IGF2R: variants seen among roughly 807,000 people sequenced by gnomAD.
IGF2R encodes cation-independent mannose-6-phosphate receptor.
A neutral mutation model predicts 270.6 loss-of-function variants in IGF2R; 91 were observed. That is an observed-to-expected ratio of 0.34 (90% CI 0.28 to 0.40). The LOEUF (loss-of-function observed/expected upper bound fraction) is 0.40, where lower values mean the gene tolerates loss of function less well. IGF2R is among the 10% of genes least tolerant of loss of function. IGF2R has a pLI of 1.00. For synonymous variants in IGF2R, 1,316 were observed against 1,258.9 expected, an observed-to-expected ratio of 1.05 and a Z score of -0.96; for missense variants, 2,805 against 3,188.3, an observed-to-expected ratio of 0.88 and a Z score of 2.90.
intron 10 of IGF2R, among the ~76,000 whole-genome samples, chr6:160,038,416 G>A (rs1206064310): frequency 6.6e-6 from 1 of 152,204 alleles, no homozygotes; most frequent in Admixed American, 6.5e-5. Context: ...TACGTGTAAG[G>A]TACGTAGCAA....
In IGF2R at chr6:160,102,772, C is replaced by G; in HGVS notation, c.6995+101C>G. On this transcript the variant is annotated intron_variant, in intron 46 of 47. Coordinates refer to ENST00000356956, the MANE Select transcript of IGF2R (RefSeq NM_000876.4). This position sits in a 1 kb window ranked among gnomAD's most constrained non-coding sequence, Gnocchi z 4.5. ...GGTTTTATTTATTTGTTTTTAAGCC[C>G]TACAGCAGCGAAGGCTCGAGGTTCT... 2.2e-6 allele frequency: 3 copies of G among 1,337,574 alleles called. No individual in the cohort carries two copies. The highest frequency in any genetic ancestry group is 3.0e-6 in the Non-Finnish European group (3 of 989,444). 82.9% of individuals were successfully genotyped at this position (1,337,574 alleles called of 1,614,324 possible). A position where few individuals can be genotyped will look rare whatever the true frequency, so the allele number is the denominator to read the frequency against.
Position 160,104,665 on chromosome 6 carries a change from C to A in IGF2R, c.7066-9C>A. On this transcript the variant is annotated splice_polypyrimidine_tract_variant and intron_variant, in intron 47 of 47. Transcript: ENST00000356956. The stretch of plus-strand genomic sequence containing the variant: ...GGCTCACGTGGTCTCTGCTGTTGAT[C>A]CCTGGCAGGTGAATAAGGAAGAAGA... 6.2e-7 allele frequency: 1 copy of A among 1,606,676 alleles called. No individual in the cohort carries two copies. The highest frequency in any genetic ancestry group is 8.5e-7 in the Non-Finnish European group (1 of 1,176,066).
intron 2 of IGF2R, chr6:160,006,715 C>T (rs1784245652): frequency 6.6e-6 from 1 of 152,172 alleles, no homozygotes; most frequent in Admixed American, 6.5e-5. Context: ...GCTATCATCC[C>T]GAGCTCATGG....
At chr6:160,056,626 T>A in intron 20 of IGF2R, 101 bp downstream of exon 20, 1 of 791,452 alleles carries the variant, frequency 1.3e-6, no homozygotes, top group East Asian at 2.5e-5. Flanking sequence ...CCCTTCTTTC[T>A]GAATCAGTTA....
In IGF2R at chr6:160,048,382, A is replaced by C. The variant is rs1285638277; in HGVS notation, c.2353A>C (p.Lys785Gln). The C allele has an allele frequency of 6.2e-7, 1 of 1,614,110 alleles. No individual in the cohort carries two copies. Among genetic ancestry groups the C allele is most frequent in the African/African-American group, 1.3e-5 (1 of 74,948 alleles). Reference protein sequence around the residue: ...LEQYDLSSLAKSEGGLGGNWY... With the variant: ...LEQYDLSSLAQSEGGLGGNWY... The stretch of plus-strand genomic sequence containing the variant: ...TTTGCTTTGAAATTTTAGTCTGGCA[A>C]AATCTGAAGGTGGCCTTGGAGGAAA... Residue 785 changes from lysine (K) to glutamine (Q), a missense_variant, in exon 18 of 48, where the codon AAA becomes CAA. Around this residue, in one of 2 missense-constraint regions of IGF2R, gnomAD observed 1,851 missense variants for 2,207.2 expected, o/e 0.84. Transcript: ENST00000356956.
chr6:160,049,096 A>C (rs534699496), intron 18 of IGF2R, among the ~76,000 whole-genome samples: 2 of 152,084 alleles, frequency 1.3e-5, no homozygotes, highest in Admixed American at 6.5e-5. Flanking sequence ...TAAAAATAGC[A>C]TGTTGGGAAT....
At chr6:160,039,678 G>A (rs1467696085) in intron 10 of IGF2R, among the ~76,000 whole-genome samples, 1 of 152,188 alleles carries the variant, frequency 6.6e-6, no homozygotes, top group Admixed American at 6.5e-5. Flanking sequence ...CATGGTGGGA[G>A]GCTCAGACAA....
At chr6:160,076,352 T>C (rs915142726) in intron 36 of IGF2R, among the ~76,000 whole-genome samples, 6 of 152,202 alleles carry the variant, frequency 3.9e-5, no homozygotes, top group East Asian at 1.9e-4. Context: ...TTTGGGCAGC[T>C]ATAGTCACTC....
chr6:160,011,133 C>T (rs1273517803), intron 4 of IGF2R, among the ~76,000 whole-genome samples: 1 of 152,194 alleles, frequency 6.6e-6, no homozygotes, highest in Non-Finnish European at 1.5e-5. Flanking sequence ...CAGGAGCCAT[C>T]TGTTTCTGAC....
At chr6:160,030,919 G>GTTCAAGCAATCCTCCCAC (rs775396312) in intron 7 of IGF2R, among the ~76,000 whole-genome samples, 2 of 151,620 alleles carry the variant, frequency 1.3e-5, no homozygotes, top group South Asian at 2.1e-4. Context: ...CGCCTCCCTA[G>GTTCAAGCAATCCTCCCAC]TTCAAGCAAT....
Position 160,084,389 on chromosome 6 carries a change from G to T in IGF2R, c.6068+205G>T, listed in dbSNP as rs1414424154. Among the ~76,000 whole-genome samples, 35 of 152,190 alleles carry T rather than the reference G, an allele frequency of 2.3e-4. No individual in the cohort carries two copies. The highest frequency in any genetic ancestry group is 2.9e-5 in the Non-Finnish European group (2 of 68,030). ...GGGTGGTTCTGAGGTCAGAGTGGGG[G>T]CAGGAGCTTTGGTGACTGGAAACGG... On this transcript the variant is annotated intron_variant, in intron 40 of 47. Coordinates refer to ENST00000356956, the MANE Select transcript of IGF2R (RefSeq NM_000876.4). The surrounding 1 kb of genome is among the most constrained non-coding windows in gnomAD (Gnocchi z 4.6).
chr6:160,073,220 C>G lies in IGF2R; in HGVS notation c.4698C>G (p.Cys1566Trp). Reference sequence around the variant, plus strand: ...CTTTCCCTTGTGGTGCAGGGGCCTGCTTTGGACAGACCAGGATTAGCGTGG... The same window carrying G: ...CTTTCCCTTGTGGTGCAGGGGCCTGGTTTGGACAGACCAGGATTAGCGTGG... ...NENCPPGVGA[C>W]FGQTRISVGK... The change falls in exon 34 of 48, where the codon TGC (cysteine) becomes TGG (tryptophan). Residue 1566 changes from cysteine to tryptophan, a missense_variant. Around this residue, in one of 2 missense-constraint regions of IGF2R, gnomAD observed 1,851 missense variants for 2,207.2 expected, o/e 0.84. Coordinates refer to ENST00000356956, the MANE Select transcript of IGF2R (RefSeq NM_000876.4). 2 of 1,614,206 alleles carry G rather than the reference C, an allele frequency of 1.2e-6. No individual in the cohort carries two copies. The highest frequency in any genetic ancestry group is 1.7e-5 in the Admixed American group (1 of 60,036).
At chr6:160,075,434 G>T (rs1021107990) in intron 35 of IGF2R, among the ~76,000 whole-genome samples, 8 of 152,218 alleles carry the variant, frequency 5.3e-5, no homozygotes, top group South Asian at 2.1e-4. Context: ...TGGCAGGTCA[G>T]CATGGAGGTT....
intron 39 of IGF2R, among the ~76,000 whole-genome samples, 191 bp from the exon 40 acceptor site, chr6:160,083,759 T>G (rs1779035976): frequency 6.6e-6 from 1 of 152,228 alleles, no homozygotes; most frequent in South Asian, 2.1e-4. Context: ...CAACACATAT[T>G]TTTGTGAGCT....
intron 21 of IGF2R, 25 bp from the exon 22 acceptor site, chr6:160,058,877 TTGTA>T: frequency 6.3e-7 from 1 of 1,597,258 alleles, no homozygotes; most frequent in Non-Finnish European, 8.6e-7. Flanking sequence ...ATAAATTTGT[TTGTA>T]TGGCTCTTAC....
chr6:160,056,692 G>A (rs913778063), intron 20 of IGF2R, among the ~76,000 whole-genome samples, 167 bp downstream of exon 20: 30 of 152,156 alleles, frequency 2.0e-4, no homozygotes, highest in Admixed American at 2.0e-3. Context: ...TCTCCACTCC[G>A]CAGCTCCCAG....
intron 1 of IGF2R, among the ~76,000 whole-genome samples, chr6:159,973,595 C>T (rs1325723566): frequency 6.6e-6 from 1 of 152,054 alleles, no homozygotes; most frequent in Non-Finnish European, 1.5e-5. Flanking sequence ...TAATTTGGGC[C>T]ACATGTTAAA....
chr6:160,062,756 T>C, intron 26 of IGF2R, 137 bp downstream of exon 26: 3 of 583,204 alleles, frequency 5.1e-6, no homozygotes, highest in Non-Finnish European at 8.9e-6. Context: ...GAGGATAATT[T>C]CTTTTCCTTG....
Position 160,069,980 on chromosome 6 carries a change from C to T in IGF2R, c.4365C>T (p.Tyr1455=), listed in dbSNP as rs780307175. 2.1e-5 allele frequency: 34 copies of T among 1,614,082 alleles called. No individual in the cohort carries two copies. Among genetic ancestry groups the T allele is most frequent in the Admixed American group, 1.0e-4 (6 of 60,012 alleles). Residue 1455 remains tyrosine, a synonymous_variant, in exon 31 of 48, where the codon TAC becomes TAT. Transcript: ENST00000356956. ...GAGATGGCATAATTGTCCTGAAATA[C>T]GTTGATGGCGACTTATGTCCAGATG... ...QWRDGIIVLK[Y]VDGDLCPDGI...
Sources: allele counts gnomAD v4.1 joint callset (sites outside exome capture counted in the v4.1 genomes callset), GRCh38; gene constraint gnomAD v4.1.1; regional missense constraint gnomAD v4.1.1; non-coding constraint Gnocchi (gnomAD v3.1); transcripts MANE v1.5; gene names NCBI Gene and HGNC (gene_info 2026-07-23, HGNC 2026-07-21).